Variants in ERP44 observed in about 807,000 individuals in gnomAD.
The protein encoded by ERP44 is endoplasmic reticulum resident protein 44.
A neutral mutation model predicts 53.4 loss-of-function variants in ERP44; 25 were observed. The ratio of observed to expected loss-of-function variants is 0.47; its 90% CI spans 0.34 to 0.65. The LOEUF is 0.65. ERP44 is among the 30% of genes least tolerant of loss of function. The pLI, the probability that ERP44 is intolerant of heterozygous loss-of-function variation, is 0.01. For missense variants in ERP44, 338 were observed against 493.2 expected (o/e 0.69, Z 2.98); for synonymous variants, 145 against 161.2 (o/e 0.90, Z 0.76).
chr9:100,034,707 C>G (rs192064166), intron 4 of ERP44, among the ~76,000 whole-genome samples: 1 of 152,206 alleles, frequency 6.6e-6, no homozygotes, highest in African/African-American at 2.4e-5. Context: ...TTCATTTCCA[C>G]AGAATTAGAA....
intron 4 of ERP44, among the ~76,000 whole-genome samples, chr9:100,050,527 A>G (rs1195165317): frequency 6.6e-6 from 1 of 152,236 alleles, no homozygotes; most frequent in African/African-American, 2.4e-5. Flanking sequence ...AAACCTCTAC[A>G]ATCTAATTGG....
intron 4 of ERP44, among the ~76,000 whole-genome samples, chr9:100,037,265 G>A (rs750676536): frequency 5.9e-5 from 9 of 152,140 alleles, no homozygotes; most frequent in African/African-American, 9.7e-5. Flanking sequence ...CTCAGCTGAC[G>A]CCCACACATG....
chr9:99,997,067 G>T (rs1048548484), intron 10 of ERP44, among the ~76,000 whole-genome samples: 1 of 152,028 alleles, frequency 6.6e-6, no homozygotes, highest in African/African-American at 2.4e-5. Context: ...ATTTGGGTTG[G>T]TTCCATGATC....
rs539265053 is a variant in ERP44, at chr9:100,064,716, A to G, written c.58-4544T>C. 5.3e-5 allele frequency among the ~76,000 whole-genome samples: 8 copies of G among 152,336 alleles called. No homozygotes were observed. The South Asian group carries it at 1.7e-3, about 32-fold the overall frequency. ...TATGACAGTGGTCCCATAAGATTAT[A>G]ATGAAGCTGAAAAATTCCTGGAGCC... On this transcript the variant is annotated intron_variant, in intron 1 of 11. Transcript: ENST00000262455.
intron 1 of ERP44, among the ~76,000 whole-genome samples, chr9:100,060,752 A>G (rs1012885385): frequency 1.3e-5 from 2 of 152,364 alleles, no homozygotes; most frequent in South Asian, 4.1e-4. Flanking sequence ...GTTCAAGTTT[A>G]TCAAAGAAAA....
rs1564093419 is a variant in ERP44, at chr9:100,029,872, G to A, written c.287-7646C>T. Reference sequence around the variant, plus strand: ...TGGGAGACCGAGGCGGGCAGATCATGAGGTCAAGAGATTGAGACCATCCTG... The same window carrying A: ...TGGGAGACCGAGGCGGGCAGATCATAAGGTCAAGAGATTGAGACCATCCTG... On this transcript the variant is annotated intron_variant, in intron 4 of 11. Transcript: ENST00000262455. 2.6e-5 allele frequency among the ~76,000 whole-genome samples: 4 copies of A among 152,292 alleles called. No individual in the cohort carries two copies. The East Asian group carries it at 5.8e-4, about 22-fold the overall frequency.
chr9:100,056,051 C>T (rs1826084110), intron 3 of ERP44, among the ~76,000 whole-genome samples: 1 of 152,146 alleles, frequency 6.6e-6, no homozygotes, highest in Admixed American at 6.5e-5. Flanking sequence ...TCCATGTTTC[C>T]AATTCAGTTT....
intron 1 of ERP44, among the ~76,000 whole-genome samples, chr9:100,092,157 A>G (rs1013871649): frequency 6.6e-6 from 1 of 152,250 alleles, no homozygotes; most frequent in Non-Finnish European, 1.5e-5. Flanking sequence ...TCTCTATGGA[A>G]TCAAAGTTAG....
At chr9:100,094,378 C>A (rs1422915007) in intron 1 of ERP44, among the ~76,000 whole-genome samples, 4 of 152,110 alleles carry the variant, frequency 2.6e-5, no homozygotes, top group Non-Finnish European at 5.9e-5. Context: ...GTATTCCAGG[C>A]CGGGCGTGGT....
At chr9:100,003,346 T>C (rs1830397087) in intron 10 of ERP44, among the ~76,000 whole-genome samples, 2 of 152,260 alleles carry the variant, frequency 1.3e-5, no homozygotes, top group Admixed American at 1.3e-4. Flanking sequence ...TTGGTGATGT[T>C]ACGTTTATGT....
At chr9:100,016,050 G>T (rs758783781) in intron 8 of ERP44, among the ~76,000 whole-genome samples, 1 of 152,190 alleles carries the variant, frequency 6.6e-6, no homozygotes, top group African/African-American at 2.4e-5. Flanking sequence ...TCAACCAACA[G>T]ATGGGTATCA....
chr9:100,001,392 C>G (rs533532523), intron 10 of ERP44, among the ~76,000 whole-genome samples: 1 of 152,210 alleles, frequency 6.6e-6, no homozygotes, highest in Admixed American at 6.5e-5. Flanking sequence ...CAAAATTTCC[C>G]TATTTTTCTG....
chr9:100,089,406 C>T (rs966455539), intron 1 of ERP44, among the ~76,000 whole-genome samples: 3 of 151,902 alleles, frequency 2.0e-5, no homozygotes, highest in Non-Finnish European at 4.4e-5. Flanking sequence ...CATGGCAAAA[C>T]CCCAAATCTA....
intron 1 of ERP44, among the ~76,000 whole-genome samples, chr9:100,073,370 G>C (rs1826325210): frequency 6.6e-6 from 1 of 152,144 alleles, no homozygotes; most frequent in Admixed American, 6.5e-5. Context: ...TTGAGATTAT[G>C]ATTAAACTAC....
At chr9:100,041,668 AAACAACAAC>A (rs537934933) in intron 4 of ERP44, among the ~76,000 whole-genome samples, 8 of 152,018 alleles carry the variant, frequency 5.3e-5, no homozygotes, top group East Asian at 3.8e-4. Context: ...TTCCGACTCA[AAACAACAAC>A]AACAACAACA....
intron 1 of ERP44, among the ~76,000 whole-genome samples, chr9:100,086,383 T>C (rs1826482837): frequency 6.6e-6 from 1 of 152,210 alleles, no homozygotes. Flanking sequence ...ACTTGACTTT[T>C]AAAATTAAAA....
chr9:100,003,512 G>C (rs1294436011), intron 10 of ERP44, among the ~76,000 whole-genome samples: 1 of 152,240 alleles, frequency 6.6e-6, no homozygotes, highest in African/African-American at 2.4e-5. Context: ...ATGGTCCATA[G>C]GTTGGCTTGC....
intron 10 of ERP44, among the ~76,000 whole-genome samples, chr9:99,991,341 TAGAACTC>T: frequency 6.6e-6 from 1 of 152,256 alleles, no homozygotes; most frequent in South Asian, 2.1e-4. Context: ...GCAATTAAAT[TAGAACTC>T]AGGATTAAGA....
chr9:100,028,520 C>T (rs568321560), intron 4 of ERP44, among the ~76,000 whole-genome samples: 29 of 152,238 alleles, frequency 1.9e-4, no homozygotes, highest in African/African-American at 5.5e-4. Context: ...ATGTGTGTTT[C>T]GAAATTTTGG....
Sources: gnomAD v4.1 joint callset for allele counts (sites outside exome capture counted in the v4.1 genomes callset) on GRCh38, gnomAD v4.1.1 for gene constraint, MANE v1.5 for transcripts, NCBI Gene and HGNC (gene_info 2026-07-23, HGNC 2026-07-21) for gene names.